TTC34: variants seen among roughly 807,000 people sequenced by gnomAD.
TTC34 encodes tetratricopeptide repeat protein 34.
Under a neutral mutation model 40.7 loss-of-function variants are expected in TTC34, and 44 were observed. The observed-to-expected ratio is 1.08, with a 90% CI of 0.85 to 1.39. TTC34 has a LOEUF of 1.39. Ranked by LOEUF, TTC34 falls within the 40% of genes most tolerant of loss-of-function variation. The pLI, the probability that TTC34 is intolerant of heterozygous loss-of-function variation, is 0.00. For synonymous variants in TTC34, 422 were observed against 398.6 expected (o/e 1.06, Z -0.70); for missense variants, 884 against 838.0 (o/e 1.05, Z -0.68).
chr1:2,752,241 C>G (rs1230657055), intron 6 of TTC34, among the ~76,000 whole-genome samples: 2 of 111,034 alleles, frequency 1.8e-5, no homozygotes, highest in Non-Finnish European at 3.5e-5. Context: ...ACTGGAACAG[C>G]TCCCAAATGC....
intron 6 of TTC34, among the ~76,000 whole-genome samples, chr1:2,674,838 C>G (rs1400193057): frequency 1.0e-5 from 1 of 99,860 alleles, no homozygotes; most frequent in Non-Finnish European, 2.4e-5. Context: ...GCAGCACCCA[C>G]AACCACAGGT....
At chr1:2,683,915 T>C (rs61082664) in intron 6 of TTC34, among the ~76,000 whole-genome samples, 1,323 of 20,650 alleles carry the variant, frequency 0.064, 1 homozygote, top group African/African-American at 0.12. Context: ...CACCCACACC[T>C]CCAGGTGAGC....
At chr1:2,758,470 C>G (rs1304974567) in intron 6 of TTC34, among the ~76,000 whole-genome samples, 1 of 84,892 alleles carries the variant, frequency 1.2e-5, no homozygotes, top group Non-Finnish European at 2.1e-5. Context: ...TGGAAGAGCA[C>G]CCACACACCC....
At chr1:2,693,154 G>C (rs369063402) in intron 6 of TTC34, among the ~76,000 whole-genome samples, 2 of 86,710 alleles carry the variant, frequency 2.3e-5, no homozygotes, top group African/African-American at 4.7e-5. Context: ...ACCCCCAGGC[G>C]AGCATCTGAC....
chr1:2,756,647 G>T (rs1641515431), intron 6 of TTC34, among the ~76,000 whole-genome samples: 65 of 146,690 alleles, frequency 4.4e-4, no homozygotes, highest in East Asian at 1.2e-3. Flanking sequence ...GCATCTGACA[G>T]CCTGGAACAG....
intron 6 of TTC34, among the ~76,000 whole-genome samples, chr1:2,694,783 C>T (rs573197497): frequency 6.5e-5 from 5 of 77,222 alleles, no homozygotes; most frequent in Admixed American, 1.2e-4. Flanking sequence ...CCTGGAGCAG[C>T]ACCCACACAC....
rs577714939 is a variant in TTC34 at position 2,653,647 on chromosome 1, C to T, written c.2227-8084G>A. Among the ~76,000 whole-genome samples the T allele has an allele frequency of 4.8e-5, 4 of 82,628 alleles. No individual in the cohort carries two copies. The South Asian group carries it at 1.1e-3, about 22-fold the overall frequency. The allele number at this position is 82,628 out of a possible 152,430, so 54.2% of individuals were successfully genotyped here. A position where few individuals can be genotyped will look rare whatever the true frequency, so the allele number is the denominator to read the frequency against. On this transcript the variant is annotated intron_variant, in intron 6 of 8. Coordinates refer to ENST00000401095, the Ensembl canonical transcript of TTC34. ...ATCTGACAGCCTGGAGCAGCATCCA[C>T]ACCCCCAGGCGAGCATCTGACAGCC...
rs28414719 is a variant in TTC34 at position 2,683,920 on chromosome 1, G to A, written c.2227-38357C>T. On this transcript the variant is annotated intron_variant, in intron 6 of 8. Transcript: ENST00000401095. ...CCTGGGTCGGCACCCACACCTCCAG[G>A]TGAGCATCTGATGGTCTGGAGCAGT... Among the ~76,000 whole-genome samples the A allele has an allele frequency of 2.4e-3, 368 of 151,396 alleles. 4 individuals are homozygous for A. Among genetic ancestry groups the A allele is most frequent in the African/African-American group, 8.6e-3 (350 of 40,890 alleles).
intron 6 of TTC34, among the ~76,000 whole-genome samples, chr1:2,758,045 A>C (rs1641564684): frequency 1.4e-5 from 2 of 143,266 alleles, no homozygotes; most frequent in African/African-American, 2.7e-5. Context: ...CCAGGTGAGC[A>C]TCTGACAGCC....
intron 6 of TTC34, among the ~76,000 whole-genome samples, chr1:2,682,989 AC>A (rs1640144014): frequency 1.2e-5 from 1 of 86,196 alleles, no homozygotes; most frequent in Non-Finnish European, 3.1e-5. Flanking sequence ...TGGCATCCTC[AC>A]CCCCAGTTGC....
intron 6 of TTC34, among the ~76,000 whole-genome samples, chr1:2,646,223 G>A (rs1284700625): frequency 6.6e-6 from 1 of 152,138 alleles, no homozygotes; most frequent in African/African-American, 2.4e-5. Flanking sequence ...CCAGCTCCCA[G>A]GTGAGCACCC....
At chr1:2,686,740 A>ATGG (rs1640371422) in intron 6 of TTC34, among the ~76,000 whole-genome samples, 1 of 145,224 alleles carries the variant, frequency 6.9e-6, no homozygotes. Flanking sequence ...CGAGCATCTG[A>ATGG]CAGCCTGGAA....
At chr1:2,783,521 G>C (rs1643520724) in intron 6 of TTC34, 88 bp downstream of exon 6, 2 of 1,262,700 alleles carry the variant, frequency 1.6e-6, no homozygotes, top group Non-Finnish European at 2.0e-6. Flanking sequence ...GGCCTACCCG[G>C]CTCCCTCTCT....
intron 6 of TTC34, among the ~76,000 whole-genome samples, chr1:2,697,561 C>CT (rs1640923570): frequency 1.3e-5 from 2 of 152,216 alleles, no homozygotes; most frequent in Admixed American, 6.5e-5. Flanking sequence ...GAACCGCACC[C>CT]ACACCCCCAG....
chr1:2,749,408 A>T (rs1641244190), intron 6 of TTC34, among the ~76,000 whole-genome samples: 2 of 135,914 alleles, frequency 1.5e-5, no homozygotes, highest in Non-Finnish European at 3.1e-5. Context: ...CTGCACCCCC[A>T]GGTGCGCACG....
intron 6 of TTC34, among the ~76,000 whole-genome samples, chr1:2,656,366 G>C (rs1177134571): frequency 2.8e-3 from 268 of 94,482 alleles, no homozygotes; most frequent in African/African-American, 7.2e-3. Flanking sequence ...GCCTGGAACA[G>C]CACCCACACC....
At chr1:2,790,414 T>A (rs1355066529) in intron 2 of TTC34, 68 bp from the exon 3 acceptor site, 2 of 397,950 alleles carry the variant, frequency 5.0e-6, no homozygotes, top group Admixed American at 4.4e-5. Flanking sequence ...CACCTGCAAG[T>A]CCCCACCAGG....
chr1:2,764,422 C>CCACA (rs1641735037), intron 6 of TTC34, among the ~76,000 whole-genome samples: 6 of 144,652 alleles, frequency 4.1e-5, no homozygotes, highest in African/African-American at 1.3e-4. Flanking sequence ...GCACCCACAC[C>CCACA]CCCAGGTGAG....
At chr1:2,690,935 C>G (rs1246808705) in intron 6 of TTC34, among the ~76,000 whole-genome samples, 1 of 70,344 alleles carries the variant, frequency 1.4e-5, no homozygotes, top group Admixed American at 1.3e-4. Flanking sequence ...GGAACAGAAC[C>G]CACACCTCCA....
Sources: allele counts gnomAD v4.1 joint callset (sites outside exome capture counted in the v4.1 genomes callset), GRCh38; gene constraint gnomAD v4.1.1; transcripts MANE v1.5; gene names NCBI Gene and HGNC (gene_info 2026-07-23, HGNC 2026-07-21).